The following CDKAL1 variants were observed in gnomAD, a reference collection of about 807,000 sequenced individuals.
CDKAL1 encodes the protein threonylcarbamoyladenosine tRNA methylthiotransferase.
Under a neutral mutation model 68.2 loss-of-function variants are expected in CDKAL1, and 32 were observed. The ratio of observed to expected loss-of-function variants is 0.47; its 90% CI spans 0.35 to 0.63. The LOEUF (loss-of-function observed/expected upper bound fraction) is 0.63, where lower values mean the gene tolerates loss of function less well. CDKAL1 is among the 30% of genes least tolerant of loss of function. CDKAL1 has a pLI of 0.00. For synonymous variants in CDKAL1, 234 were observed against 244.3 expected, an observed-to-expected ratio of 0.96 and a Z score of 0.39; for missense variants, 606 against 696.7, an observed-to-expected ratio of 0.87 and a Z score of 1.47.
intron 5 of CDKAL1, among the ~76,000 whole-genome samples, chr6:20,693,926 G>A (rs922862997): frequency 2.0e-5 from 3 of 151,126 alleles, no homozygotes; most frequent in African/African-American, 7.3e-5. Flanking sequence ...AAGCTGGAGT[G>A]CAGTGACATG....
intron 4 of CDKAL1, among the ~76,000 whole-genome samples, chr6:20,625,755 A>G (rs1291255531): frequency 6.6e-6 from 1 of 152,104 alleles, no homozygotes; most frequent in African/African-American, 2.4e-5. Context: ...CATAAAACAG[A>G]TTTTGCTGTA....
At chr6:21,070,597 C>T in intron 12 of CDKAL1, among the ~76,000 whole-genome samples, 1 of 151,968 alleles carries the variant, frequency 6.6e-6, no homozygotes, top group African/African-American at 2.4e-5. Context: ...CCTGTGTCCT[C>T]ATTTTTTTCA....
intron 4 of CDKAL1, chr6:20,559,033 A>G (rs1001592250): frequency 6.5e-6 from 1 of 152,784 alleles, no homozygotes; most frequent in Non-Finnish European, 1.5e-5. Context: ...TTCTTTTTAA[A>G]ATGGAGCACA....
At chr6:20,620,466 T>A (rs1362647546) in intron 4 of CDKAL1, among the ~76,000 whole-genome samples, 1 of 152,182 alleles carries the variant, frequency 6.6e-6, no homozygotes, top group East Asian at 1.9e-4. Flanking sequence ...GCAAAATAAA[T>A]ATTATCCACA....
chr6:20,707,716 A>G (rs1771665654), intron 5 of CDKAL1, among the ~76,000 whole-genome samples: 2 of 152,230 alleles, frequency 1.3e-5, no homozygotes, highest in Admixed American at 6.5e-5. Flanking sequence ...CATGCATGTA[A>G]GAGTAATTCT....
chr6:21,021,022 CTGT>C, intron 11 of CDKAL1, among the ~76,000 whole-genome samples: 1 of 152,172 alleles, frequency 6.6e-6, no homozygotes, highest in East Asian at 1.9e-4. Flanking sequence ...AAGTGAGGTA[CTGT>C]CAGGATTTTC....
intron 9 of CDKAL1, among the ~76,000 whole-genome samples, chr6:20,858,989 CAAAAT>C (rs1326158960): frequency 1.3e-5 from 2 of 151,580 alleles, no homozygotes; most frequent in African/African-American, 2.4e-5. Flanking sequence ...ACTACATAAA[CAAAAT>C]AAAATTTATT....
At chr6:21,137,002 G>T (rs989111875) in intron 13 of CDKAL1, among the ~76,000 whole-genome samples, 1 of 152,042 alleles carries the variant, frequency 6.6e-6, no homozygotes, top group African/African-American at 2.4e-5. Flanking sequence ...CCCGACCAGC[G>T]TCTACCATTG....
In CDKAL1 at chr6:20,865,862, G is replaced by T. The variant is rs140633896; in HGVS notation, c.742+19684G>T. 1.6e-4 allele frequency among the ~76,000 whole-genome samples: 25 copies of T among 152,220 alleles called. No individual in the cohort carries two copies. In the Middle Eastern group the frequency reaches 0.01, roughly 62 times the overall value. Reference sequence around the variant, plus strand: ...AGTAACTTGATTGCCTAAAATCTATGTGCCCCTCATGCCACAGGCTTGCAT... The same window carrying T: ...AGTAACTTGATTGCCTAAAATCTATTTGCCCCTCATGCCACAGGCTTGCAT... On this transcript the variant is annotated intron_variant, in intron 9 of 15. Coordinates refer to ENST00000274695, the MANE Select transcript of CDKAL1 (RefSeq NM_017774.3).
intron 13 of CDKAL1, among the ~76,000 whole-genome samples, chr6:21,147,394 A>C (rs1776229717): frequency 6.6e-6 from 1 of 152,228 alleles, no homozygotes; most frequent in South Asian, 2.1e-4. Flanking sequence ...TGGCAAATAG[A>C]ATATGATGGG....
chr6:21,197,167 A>T (rs183715196), intron 13 of CDKAL1, among the ~76,000 whole-genome samples: 2,666 of 150,680 alleles, frequency 0.018, 32 homozygotes, highest in South Asian at 0.038. Context: ...CAAAAAAAAA[A>T]AATAATAATA....
intron 11 of CDKAL1, among the ~76,000 whole-genome samples, chr6:21,062,733 G>T (rs908163708): frequency 5.3e-5 from 8 of 152,156 alleles, no homozygotes; most frequent in African/African-American, 1.9e-4. Flanking sequence ...TTCACACTGG[G>T]TGTTAAGTAG....
rs115757313 is a variant in CDKAL1 at position 20,611,239 on chromosome 6, G to A, written c.287-38054G>A. Among the ~76,000 whole-genome samples, 488 of 152,190 alleles carry A rather than the reference G, an allele frequency of 3.2e-3. 4 individuals are homozygous for A. Among genetic ancestry groups the A allele is most frequent in the African/African-American group, 0.011 (459 of 41,524 alleles). ...GCTCTAGGGATTCTGTCAATCTGAG[G>A]TTTCGTGTCTTAGCCCTGGAAAGGT... On this transcript the variant is annotated intron_variant, in intron 4 of 15. Coordinates refer to ENST00000274695, the MANE Select transcript of CDKAL1 (RefSeq NM_017774.3).
At chr6:20,937,134 G>A (rs779490629) in intron 9 of CDKAL1, among the ~76,000 whole-genome samples, 37 of 152,062 alleles carry the variant, frequency 2.4e-4, no homozygotes, top group South Asian at 6.3e-4. Flanking sequence ...TGTCCCCCAG[G>A]TGGGAGTGTA....
chr6:21,022,823 T>C (rs1178686909), intron 11 of CDKAL1, among the ~76,000 whole-genome samples: 1 of 152,214 alleles, frequency 6.6e-6, no homozygotes, highest in Non-Finnish European at 1.5e-5. Context: ...TTCTAACTTT[T>C]GTTGGTGATG....
At chr6:20,742,474 G>A (rs1209695780) in intron 6 of CDKAL1, among the ~76,000 whole-genome samples, 1 of 151,874 alleles carries the variant, frequency 6.6e-6, no homozygotes, top group Non-Finnish European at 1.5e-5. Flanking sequence ...CTTAACCTTT[G>A]CATCTTTTAC....
rs1472845256 is a variant in CDKAL1, at chr6:20,846,164, A to G, written c.728A>G (p.Lys243Arg). Residue 243 changes from lysine (K) to arginine (R), a missense_variant, in exon 9 of 16, where the codon AAA (lysine) becomes AGA (arginine). Coordinates refer to ENST00000274695, the MANE Select transcript of CDKAL1 (RefSeq NM_017774.3). ...YPIDELVDRA[K>R]QSFQEGVCEI... Reference sequence around the variant, plus strand: ...ATTGATGAACTAGTAGATAGAGCCAAACAATCTTTTCAAGGTAAGAGTTTC... The same window carrying G: ...ATTGATGAACTAGTAGATAGAGCCAGACAATCTTTTCAAGGTAAGAGTTTC... 6.2e-7 allele frequency: 1 copy of G among 1,602,314 alleles called. No homozygotes were observed. The highest frequency in any genetic ancestry group is 1.1e-5 in the South Asian group (1 of 90,042).
intron 4 of CDKAL1, among the ~76,000 whole-genome samples, chr6:20,619,833 A>G (rs1767096177): frequency 6.6e-6 from 1 of 152,200 alleles, no homozygotes; most frequent in Non-Finnish European, 1.5e-5. Flanking sequence ...TTAAATTAAA[A>G]TGAAATTTCT....
Position 20,636,635 on chromosome 6 carries a change from G to A in CDKAL1, c.287-12658G>A, listed in dbSNP as rs73388651. On this transcript the variant is annotated intron_variant, in intron 4 of 15. Transcript: ENST00000274695. ...GATCATCTAGTACACAGAAGAGAAG[G>A]GAATCCAAATCTAGGTCCTCTGAAA... Among the ~76,000 whole-genome samples the A allele has an allele frequency of 1.5e-3, 232 of 152,268 alleles. 3 individuals carry two copies. The highest frequency in any genetic ancestry group is 5.3e-3 in the African/African-American group (220 of 41,566).
Sources: allele counts gnomAD v4.1 joint callset (sites outside exome capture counted in the v4.1 genomes callset), GRCh38; gene constraint gnomAD v4.1.1; transcripts MANE v1.5; gene names NCBI Gene and HGNC (gene_info 2026-07-23, HGNC 2026-07-21).